The following SPG11 variants were observed in gnomAD, a reference collection of about 807,000 sequenced individuals.
The protein encoded by SPG11 is SPG11 vesicle trafficking associated, spatacsin, also known as spatacsin.
Under a neutral mutation model 274.0 loss-of-function variants are expected in SPG11, and 222 were observed. The ratio of observed to expected loss-of-function variants is 0.81; its 90% CI spans 0.73 to 0.91. The LOEUF is 0.91. Among genes scored for constraint, SPG11 ranks in the 40% least tolerant of loss-of-function variants. The pLI is 0.00. For missense variants in SPG11, 3,114 were observed against 2,872.7 expected, an observed-to-expected ratio of 1.08 and a Z score of -1.92; for synonymous variants, 1,144 against 1,039.7, an observed-to-expected ratio of 1.10 and a Z score of -1.93.
chr15:44,621,598 G>T, intron 14 of SPG11, 161 bp downstream of exon 14: 1 of 698,504 alleles, frequency 1.4e-6, no homozygotes, highest in East Asian at 2.7e-5. Flanking sequence ...GAAACTCTGA[G>T]ATAAGAAAGA....
intron 6 of SPG11, among the ~76,000 whole-genome samples, chr15:44,650,120 A>G (rs967417764): frequency 1.3e-5 from 2 of 152,226 alleles, no homozygotes; most frequent in African/African-American, 4.8e-5. Flanking sequence ...TTTGCAGAAG[A>G]TGAATTATGC....
chr15:44,654,927 A>C (rs1286572671), intron 4 of SPG11, among the ~76,000 whole-genome samples: 1 of 152,258 alleles, frequency 6.6e-6, no homozygotes, highest in Non-Finnish European at 1.5e-5. Context: ...AGCCAAAGAA[A>C]ATGTAAACGA....
chr15:44,580,297 A>G (rs1445975017), intron 30 of SPG11, among the ~76,000 whole-genome samples: 3 of 152,216 alleles, frequency 2.0e-5, no homozygotes, highest in African/African-American at 7.2e-5. Context: ...GTAGAAGTCT[A>G]TACCACCTAG....
intron 33 of SPG11, among the ~76,000 whole-genome samples, chr15:44,571,553 A>G (rs1208613479): frequency 7.2e-6 from 1 of 138,330 alleles, no homozygotes; most frequent in Non-Finnish European, 1.5e-5. Flanking sequence ...GCTGGAGTGC[A>G]GCGGCGCCAT....
At chr15:44,589,993 G>C (rs1268623183) in intron 27 of SPG11, among the ~76,000 whole-genome samples, 2 of 152,058 alleles carry the variant, frequency 1.3e-5, no homozygotes, top group Admixed American at 6.6e-5. Context: ...ATTTTTAATA[G>C]AGATGGGGTT....
rs1287592188 is a variant in SPG11, at chr15:44,567,565, C to G, written c.6613G>C (p.Asp2205His). Reference protein sequence around the residue: ...PSGTLKTALLDYIKRCRPGDS... With the variant: ...PSGTLKTALLHYIKRCRPGDS... ...CCAGGACGGCAGCGTTTGATGTAGTCCAGCAGGGCTGTTTTCAGGGTACCA... is the reference window on the plus strand; with the variant it reads ...CCAGGACGGCAGCGTTTGATGTAGTGCAGCAGGGCTGTTTTCAGGGTACCA... The change falls in exon 36 of 40, where the codon GAC becomes CAC. Residue 2205 changes from aspartate (D) to histidine (H), a missense_variant. Transcript: ENST00000261866. 6.2e-7 allele frequency: 1 copy of G among 1,613,912 alleles called. No homozygotes were observed. The highest frequency in any genetic ancestry group is 1.7e-5 in the Admixed American group (1 of 59,990).
Position 44,621,869 on chromosome 15 carries a change from T to A in SPG11, c.2510A>T (p.Asp837Val). The A allele has an allele frequency of 6.2e-7, 1 of 1,613,854 alleles. No individual in the cohort carries two copies. The highest frequency in any genetic ancestry group is 8.5e-7 in the Non-Finnish European group (1 of 1,179,838). Residue 837 changes from aspartate to valine, a missense_variant, in exon 14 of 40, where the codon GAT becomes GTT. By Grantham distance (152) the Asp-to-Val change is radical (BLOSUM62 -3). Coordinates refer to ENST00000261866, the MANE Select transcript of SPG11 (RefSeq NM_025137.4). ...KSVLDSFLKYDCKDEFNKQDH... is the reference protein window; with the variant it reads ...KSVLDSFLKYVCKDEFNKQDH... Reference sequence around the variant, plus strand: ...CTGTTTGTTAAATTCATCTTTACAATCATATTTCAGGAATGAGTCCAAAAC... The same window carrying A: ...CTGTTTGTTAAATTCATCTTTACAAACATATTTCAGGAATGAGTCCAAAAC...
chr15:44,634,631 G>A (rs1033682635), intron 7 of SPG11, among the ~76,000 whole-genome samples: 1 of 151,862 alleles, frequency 6.6e-6, no homozygotes, highest in Non-Finnish European at 1.5e-5. Flanking sequence ...CTGTCGCCCA[G>A]GCTGGAGTGC....
At chr15:44,622,404 A>T (rs2083779130) in intron 12 of SPG11, 57 bp from the exon 13 acceptor site, 2 of 1,384,792 alleles carry the variant, frequency 1.4e-6, no homozygotes, top group African/African-American at 2.9e-5. Flanking sequence ...ACTTTTGCAA[A>T]AAATGTCATG....
intron 28 of SPG11, among the ~76,000 whole-genome samples, chr15:44,588,402 T>C (rs1420057676): frequency 1.3e-5 from 2 of 152,016 alleles, no homozygotes; most frequent in African/African-American, 4.8e-5. Flanking sequence ...CTAAGGTTAC[T>C]TGCCATAGAG....
intron 10 of SPG11, among the ~76,000 whole-genome samples, chr15:44,627,741 C>T (rs1263473977): frequency 6.6e-6 from 1 of 152,078 alleles, no homozygotes. Context: ...AGGCGCCTGC[C>T]ACCACACCTG....
Position 44,583,863 on chromosome 15 carries a change from C to T in SPG11, c.5817G>A (p.Glu1939=), listed in dbSNP as rs146961070. 3.7e-5 allele frequency: 59 copies of T among 1,614,110 alleles called. No individual in the cohort carries two copies. Among genetic ancestry groups the T allele is most frequent in the Non-Finnish European group, 4.9e-5 (58 of 1,180,048 alleles). ...PEIHALLQSA[E]LLEEEAPDIP... ...TGTCGGGTGCTTCTTCCTCAAGCAG[C>T]TCAGCACTTTGTAGGAGAGCATGGA... The change falls in exon 30 of 40, where the codon GAG becomes GAA. Residue 1939 remains glutamate (E), a synonymous_variant. Transcript: ENST00000261866.
intron 3 of SPG11, among the ~76,000 whole-genome samples, chr15:44,657,732 A>G (rs2084982137): frequency 6.6e-6 from 1 of 152,256 alleles, no homozygotes; most frequent in Admixed American, 6.5e-5. Context: ...TTGCATACTA[A>G]ATTTTCATCA....
At chr15:44,600,203 T>G in intron 21 of SPG11, 1 of 406,904 alleles carries the variant, frequency 2.5e-6, no homozygotes, top group South Asian at 2.7e-5. Context: ...CTGTTAACTG[T>G]GGTATGTTTC....
intron 15 of SPG11, among the ~76,000 whole-genome samples, chr15:44,616,214 T>TC (rs1445396153): frequency 6.6e-6 from 1 of 150,860 alleles, no homozygotes; most frequent in East Asian, 1.9e-4. Context: ...ATACTTTTTT[T>TC]TTTTTTTTTT....
chr15:44,570,414 C>T, intron 34 of SPG11, 111 bp downstream of exon 34: 1 of 1,372,358 alleles, frequency 7.3e-7, no homozygotes, highest in Non-Finnish European at 1.0e-6. Flanking sequence ...TAGTGGTATC[C>T]AGATGGGCAG....
At chr15:44,578,014 CTTTCCTTTTTTTTTTTTTT>C (rs2140936788) in intron 30 of SPG11, among the ~76,000 whole-genome samples, 1 of 133,752 alleles carries the variant, frequency 7.5e-6, no homozygotes, top group South Asian at 2.4e-4. Context: ...GGGGAGCCTT[CTTTCCTTTTTTTTTTTTTT>C]TTTTTTTTTG....
At chr15:44,622,642 T>G in intron 12 of SPG11, 86 bp downstream of exon 12, 8 of 1,119,980 alleles carry the variant, frequency 7.1e-6, no homozygotes, top group Non-Finnish European at 1.1e-5. Context: ...TAAAATTACT[T>G]AAGGTTTTTC....
Position 44,569,419 on chromosome 15 carries a change from T to G in SPG11, c.6564A>C (p.Leu2188=). ...LLHKKHYFEV[L]MRKKLDPSGT... ...CTACCGGATCCAACTTCTTCCTCAT[T>G]AGCACTTCAAAGTAGTGCTTTTTAT... Residue 2188 remains leucine (L), a synonymous_variant, in exon 35 of 40, where the codon CTA becomes CTC. Coordinates refer to ENST00000261866, the MANE Select transcript of SPG11 (RefSeq NM_025137.4). 1 of 1,604,546 alleles carries G rather than the reference T, an allele frequency of 6.2e-7. No individual in the cohort carries two copies. Among genetic ancestry groups the G allele is most frequent in the Non-Finnish European group, 8.5e-7 (1 of 1,174,552 alleles).
Sources: gnomAD v4.1 joint callset for allele counts (sites outside exome capture counted in the v4.1 genomes callset) on GRCh38, gnomAD v4.1.1 for gene constraint, MANE v1.5 for transcripts, NCBI Gene and HGNC (gene_info 2026-07-23, HGNC 2026-07-21) for gene names.